Variants in TMX2 observed in about 807,000 individuals in gnomAD.
TMX2 encodes the protein thioredoxin related transmembrane protein 2.
Under a neutral mutation model 33.4 loss-of-function variants are expected in TMX2, and 20 were observed. The ratio of observed to expected loss-of-function variants is 0.60; its 90% CI spans 0.42 to 0.87. TMX2 has a LOEUF of 0.87. TMX2 is among the 40% of genes least tolerant of loss of function. The pLI is 0.00. For missense variants in TMX2, 340 were observed against 370.7 expected (o/e 0.92, Z 0.68); for synonymous variants, 166 against 140.7 (o/e 1.18, Z -1.27).
chr11:57,715,636 A>T (rs1590897221), intron 1 of TMX2, among the ~76,000 whole-genome samples: 1 of 130,502 alleles, frequency 7.7e-6, no homozygotes, highest in Non-Finnish European at 1.6e-5. Context: ...GCAGAGGGGG[A>T]CTTGGCAGGG....
At chr11:57,722,916 C>T (rs371123208) in intron 1 of TMX2, among the ~76,000 whole-genome samples, 12 of 151,834 alleles carry the variant, frequency 7.9e-5, no homozygotes, top group South Asian at 6.2e-4. Flanking sequence ...AGTTCGGGAC[C>T]AGCCTGGTCA....
At chr11:57,716,335 G>A (rs1407718441) in intron 1 of TMX2, among the ~76,000 whole-genome samples, 2 of 133,926 alleles carry the variant, frequency 1.5e-5, no homozygotes, top group Non-Finnish European at 3.4e-5. Context: ...CGGCTGGCCG[G>A]GCGGGGGGCT....
At chr11:57,736,895 A>G (rs1375503372) in intron 1 of TMX2, among the ~76,000 whole-genome samples, 1 of 151,844 alleles carries the variant, frequency 6.6e-6, no homozygotes, top group East Asian at 1.9e-4. Flanking sequence ...AAAAAAAAAA[A>G]AAAATTAAAC....
chr11:57,734,779 T>A (rs1948637550), intron 1 of TMX2, among the ~76,000 whole-genome samples: 1 of 151,730 alleles, frequency 6.6e-6, no homozygotes, highest in South Asian at 2.1e-4. Flanking sequence ...AAAATAAAAA[T>A]AAATAAAATT....
At chr11:57,734,290 G>GATGCAAAGAGATAGGGAGAGAGTCT (rs1259923766) in intron 1 of TMX2, among the ~76,000 whole-genome samples, 1 of 151,998 alleles carries the variant, frequency 6.6e-6, no homozygotes, top group Admixed American at 6.6e-5. Flanking sequence ...GTTCTACCTG[G>GATGCAAAGAGATAGGGAGAGAGTCT]ATGCAAAGAG....
chr11:57,725,038 C>CAAA (rs1315544225), intron 1 of TMX2, among the ~76,000 whole-genome samples: 29 of 61,524 alleles, frequency 4.7e-4, no homozygotes, highest in African/African-American at 1.4e-3. Context: ...GACTGTGTCT[C>CAAA]AAAAAAAAAA....
intron 1 of TMX2, among the ~76,000 whole-genome samples, chr11:57,731,118 GTTTTTTGTTTTT>G (rs1948362768): frequency 2.8e-5 from 2 of 71,202 alleles, no homozygotes; most frequent in Admixed American, 4.2e-4. Flanking sequence ...TCCGTTTTTT[GTTTTTTGTTTTT>G]TTTTTTTTTT....
At chr11:57,727,624 A>G (rs1948092001) in intron 1 of TMX2, among the ~76,000 whole-genome samples, 1 of 152,172 alleles carries the variant, frequency 6.6e-6, no homozygotes. Flanking sequence ...AAAATGTTTT[A>G]CCCCAAAATC....
chr11:57,731,564 G>A (rs1364320795), intron 1 of TMX2, among the ~76,000 whole-genome samples: 2 of 151,458 alleles, frequency 1.3e-5, no homozygotes, highest in South Asian at 4.2e-4. Context: ...ACCTCCAGAG[G>A]GCTGTGTCAC....
rs1279608739 is a variant in TMX2 at position 57,739,225 on chromosome 11, A to G, written c.709A>G (p.Lys237Glu). ...KEAMRRPQID[K>E]KGRAVSWTFS... is the part of the protein sequence containing the mutation. ...GGCAATGCGGCGGCCACAGATTGAC[A>G]AGAAAGGACGGGCTGTCTCATGGAC... The change falls in exon 7 of 8, where the codon AAG (lysine) becomes GAG (glutamate). Residue 237 changes from lysine (K) to glutamate (E), a missense_variant. Around this residue, in one of 3 missense-constraint regions of TMX2, gnomAD observed 209 missense variants for 241.6 expected, o/e 0.87. Coordinates refer to ENST00000278422, the MANE Select transcript of TMX2 (RefSeq NM_015959.4). The G allele has an allele frequency of 1.9e-6, 3 of 1,613,982 alleles. No individual in the cohort carries two copies. The highest frequency in any genetic ancestry group is 2.5e-6 in the Non-Finnish European group (3 of 1,180,028).
At chr11:57,738,548 T>G in intron 4 of TMX2, 116 bp from the exon 5 acceptor site, 1 of 1,233,562 alleles carries the variant, frequency 8.1e-7, no homozygotes, top group Non-Finnish European at 1.2e-6. Flanking sequence ...GGCACTGTGG[T>G]TCATTATGAG....
At chr11:57,733,302 C>G (rs1948514090) in intron 1 of TMX2, among the ~76,000 whole-genome samples, 1 of 128,226 alleles carries the variant, frequency 7.8e-6, no homozygotes, top group Admixed American at 9.5e-5. Flanking sequence ...GTCGCCCAGG[C>G]TGGAGTGCAA....
intron 1 of TMX2, among the ~76,000 whole-genome samples, chr11:57,721,928 C>G (rs567918589): frequency 1.3e-5 from 2 of 152,088 alleles, no homozygotes; most frequent in African/African-American, 2.4e-5. Context: ...CAGGACTAAC[C>G]AGGCAATAAG....
At chr11:57,717,717 G>GAGGGAGAAGGGAGAGGGAGA (rs763767041) in intron 1 of TMX2, among the ~76,000 whole-genome samples, 1 of 54,584 alleles carries the variant, frequency 1.8e-5, no homozygotes, top group Non-Finnish European at 3.1e-5. Context: ...GGGAGACCGA[G>GAGGGAGAAGGGAGAGGGAGA]AGGGAGAGGG....
chr11:57,716,486 G>A, intron 1 of TMX2, among the ~76,000 whole-genome samples: 1 of 134,630 alleles, frequency 7.4e-6, no homozygotes, highest in African/African-American at 2.8e-5. Flanking sequence ...TGGCCGGGCT[G>A]AGGGGCTCCT....
chr11:57,740,248 T>G lies in TMX2; in HGVS notation c.*3T>G, dbSNP rs371755868. ...GGGAAAACAAGAAGGATAAATAAGA[T>G]CCTCACTTTGGCAGTGCTTCCTCTC... On this transcript the variant is annotated 3_prime_UTR_variant, in exon 8 of 8. Transcript: ENST00000278422. 1.3e-6 allele frequency: 2 copies of G among 1,587,664 alleles called. No individual in the cohort carries two copies. The highest frequency in any genetic ancestry group is 1.1e-5 in the South Asian group (1 of 87,180).
In TMX2 at chr11:57,740,246, G is replaced by A. The variant is rs139550190; in HGVS notation, c.*1G>A. 2.5e-6 allele frequency: 4 copies of A among 1,589,462 alleles called. No individual in the cohort carries two copies. Among genetic ancestry groups the A allele is most frequent in the Non-Finnish European group, 3.4e-6 (4 of 1,169,070 alleles). On this transcript the variant is annotated 3_prime_UTR_variant, in exon 8 of 8. Coordinates refer to ENST00000278422, the MANE Select transcript of TMX2 (RefSeq NM_015959.4). ...TGGGGAAAACAAGAAGGATAAATAAGATCCTCACTTTGGCAGTGCTTCCTC... is the reference window on the plus strand; with the variant it reads ...TGGGGAAAACAAGAAGGATAAATAAAATCCTCACTTTGGCAGTGCTTCCTC...
At chr11:57,713,383 G>A (rs1946761019) in intron 1 of TMX2, among the ~76,000 whole-genome samples, 1 of 152,096 alleles carries the variant, frequency 6.6e-6, no homozygotes, top group South Asian at 2.1e-4. Context: ...TGATCCTGAA[G>A]ATGCGAAAGT....
At chr11:57,716,137 C>T (rs1292414901) in intron 1 of TMX2, among the ~76,000 whole-genome samples, 20 of 152,152 alleles carry the variant, frequency 1.3e-4, no homozygotes, top group Middle Eastern at 3.4e-3. Flanking sequence ...CAGAGGGGCT[C>T]CTCACTTCCT....
Sources: allele counts gnomAD v4.1 joint callset (sites outside exome capture counted in the v4.1 genomes callset), GRCh38; gene constraint gnomAD v4.1.1; regional missense constraint gnomAD v4.1.1; transcripts MANE v1.5; gene names NCBI Gene and HGNC (gene_info 2026-07-23, HGNC 2026-07-21).